Variants in RFTN1 observed in about 807,000 individuals in gnomAD.
The protein encoded by RFTN1 is raftlin.
RFTN1 carries 26 observed loss-of-function variants against 46.5 expected under a neutral mutation model. That is an observed-to-expected ratio of 0.56 (90% CI 0.41 to 0.78). The LOEUF is 0.78. Among genes scored for constraint, RFTN1 ranks in the 30% least tolerant of loss-of-function variants. The pLI, the probability that RFTN1 is intolerant of heterozygous loss-of-function variation, is 0.00. For synonymous variants in RFTN1, 261 were observed against 284.2 expected (o/e 0.92, Z 0.82); for missense variants, 693 against 718.7 (o/e 0.96, Z 0.41).
At position 16,421,726 on chromosome 3, in the gene RFTN1, A is replaced by G. The variant is rs1303703870; in HGVS notation, c.332+12125T>C. 6.6e-6 allele frequency among the ~76,000 whole-genome samples: 1 copy of G among 152,196 alleles called. No homozygotes were observed. Among genetic ancestry groups the G allele is most frequent in the Non-Finnish European group, 1.5e-5 (1 of 68,040 alleles). On this transcript the variant is annotated intron_variant, in intron 3 of 9. Transcript: ENST00000334133. The surrounding 1 kb of genome is among the most constrained non-coding windows in gnomAD (Gnocchi z 4.6). ...GAGACGGGTCAGTGTAGCCATTTCCACATGAGAGAGAGAAGGATTTTACAT... is the reference window on the plus strand; with the variant it reads ...GAGACGGGTCAGTGTAGCCATTTCCGCATGAGAGAGAGAAGGATTTTACAT...
intron 6 of RFTN1, among the ~76,000 whole-genome samples, chr3:16,363,497 T>C (rs1575131796): frequency 6.6e-6 from 1 of 152,338 alleles, no homozygotes; most frequent in Non-Finnish European, 1.5e-5. Flanking sequence ...ACAAGAAGGA[T>C]GTGGGAAAAG....
At chr3:16,434,084 C>A in intron 2 of RFTN1, 47 bp from the exon 3 acceptor site, 1 of 1,481,380 alleles carries the variant, frequency 6.8e-7, no homozygotes, top group East Asian at 2.3e-5. Flanking sequence ...TCACAACGCC[C>A]ACTCAGCCCT....
At chr3:16,386,444 GC>G (rs2125393937) in intron 4 of RFTN1, among the ~76,000 whole-genome samples, 1 of 152,280 alleles carries the variant, frequency 6.6e-6, no homozygotes, top group African/African-American at 2.4e-5. Flanking sequence ...GAGAACTGAG[GC>G]ACAGAGATAT....
In RFTN1 at chr3:16,499,550, C is replaced by T. The variant is rs1364409601; in HGVS notation, c.-8-5673G>A. Among the ~76,000 whole-genome samples, 1 of 152,234 alleles carries T rather than the reference C, an allele frequency of 6.6e-6. No homozygotes were observed. The highest frequency in any genetic ancestry group is 6.5e-5 in the Admixed American group (1 of 15,288). On this transcript the variant is annotated intron_variant, in intron 1 of 9. Transcript: ENST00000334133. This position sits in a 1 kb window ranked among gnomAD's most constrained non-coding sequence, Gnocchi z 4.9. ...TCTGCCTCAGTCAAGCTGCTGATGC[C>T]ATGTTAAGCAAAGACAAGCTGTTTC...
chr3:16,403,728 T>A (rs1337307364), intron 4 of RFTN1, among the ~76,000 whole-genome samples: 375 of 10,432 alleles, frequency 0.036, 4 homozygotes, highest in African/African-American at 0.11. Flanking sequence ...ATATATATAT[T>A]ATATATATTA....
At chr3:16,469,553 G>A (rs1354930864) in intron 2 of RFTN1, among the ~76,000 whole-genome samples, 1 of 152,216 alleles carries the variant, frequency 6.6e-6, no homozygotes, top group Non-Finnish European at 1.5e-5. Context: ...GTGCAGGCGG[G>A]AAGGAACTGG....
chr3:16,358,132 GCATT>G (rs2072576262), intron 6 of RFTN1, 85 bp from the exon 7 acceptor site: 1 of 752,994 alleles, frequency 1.3e-6, no homozygotes, highest in South Asian at 1.5e-5. Flanking sequence ...CATTTCCACT[GCATT>G]CATTAATAAT....
Position 16,422,521 on chromosome 3 carries a change from C to G in RFTN1, c.332+11330G>C, listed in dbSNP as rs1412029050. ...TGGCACGTGCCTGTAATCCCAGCTA[C>G]TCAGGAGGCTGAGGCAGGAGAATCA... On this transcript the variant is annotated intron_variant, in intron 3 of 9. Transcript: ENST00000334133. The surrounding 1 kb of genome is among the most constrained non-coding windows in gnomAD (Gnocchi z 4.6). 2.0e-5 allele frequency among the ~76,000 whole-genome samples: 3 copies of G among 151,946 alleles called. No homozygotes were observed. Among genetic ancestry groups the G allele is most frequent in the Non-Finnish European group, 4.4e-5 (3 of 68,010 alleles).
rs142908150 is a variant in RFTN1 at position 16,493,389 on chromosome 3, G to A, written c.145+336C>T. On this transcript the variant is annotated intron_variant, in intron 2 of 9. Transcript: ENST00000334133. ...TGGGACTACAGGCACCCGCCACCAC[G>A]CCTGGCTAACTTTTTGCATTTTTAG... is the stretch of plus-strand genomic sequence containing the variant. Among the ~76,000 whole-genome samples the A allele has an allele frequency of 1.3e-3, 201 of 152,084 alleles. 9 individuals are homozygous for A. The highest frequency in any genetic ancestry group is 9.1e-3 in the Admixed American group (139 of 15,278).
At chr3:16,369,879 G>A (rs1468677227) in intron 6 of RFTN1, among the ~76,000 whole-genome samples, 197 bp downstream of exon 6, 3 of 152,300 alleles carry the variant, frequency 2.0e-5, no homozygotes, top group East Asian at 1.9e-4. Context: ...TGGCTGACTC[G>A]TAGAGAGGTT....
chr3:16,442,656 T>C lies in RFTN1; in HGVS notation c.146-8619A>G, dbSNP rs912148824. On this transcript the variant is annotated intron_variant, in intron 2 of 9. Transcript: ENST00000334133. This position sits in a 1 kb window ranked among gnomAD's most constrained non-coding sequence, Gnocchi z 4.1. ...GCGATGTTATTAGCTATAGTCCCCA[T>C]GTTGTACATTAGATCTCTAGATTTA... is the stretch of plus-strand genomic sequence containing the variant. Among the ~76,000 whole-genome samples the C allele has an allele frequency of 2.6e-5, 4 of 152,162 alleles. No individual in the cohort carries two copies. Among genetic ancestry groups the C allele is most frequent in the Non-Finnish European group, 5.9e-5 (4 of 68,030 alleles).
intron 2 of RFTN1, among the ~76,000 whole-genome samples, chr3:16,478,158 C>T (rs1394630968): frequency 7.2e-5 from 11 of 152,192 alleles, no homozygotes. Flanking sequence ...CCCAACCAAA[C>T]AGGAGCTTCC....
At position 16,451,559 on chromosome 3, in the gene RFTN1, A is replaced by T. The variant is rs1020823039; in HGVS notation, c.146-17522T>A. On this transcript the variant is annotated intron_variant, in intron 2 of 9. Transcript: ENST00000334133. This position sits in a 1 kb window ranked among gnomAD's most constrained non-coding sequence, Gnocchi z 4.2. ...AGTGGTCCCCTCTTCTCCACAGGGG[A>T]TATGCCTGAAACCACAGATAGTAAA... 1.3e-5 allele frequency among the ~76,000 whole-genome samples: 2 copies of T among 152,216 alleles called. No individual in the cohort carries two copies. The highest frequency in any genetic ancestry group is 4.8e-5 in the African/African-American group (2 of 41,458).
At position 16,483,338 on chromosome 3, in the gene RFTN1, C is replaced by T. The variant is rs761788145; in HGVS notation, c.145+10387G>A. Among the ~76,000 whole-genome samples, 122 of 152,276 alleles carry T rather than the reference C, an allele frequency of 8.0e-4. 1 individual carries two copies. The highest frequency in any genetic ancestry group is 3.5e-4 in the Non-Finnish European group (24 of 68,010). On this transcript the variant is annotated intron_variant, in intron 2 of 9. Coordinates refer to ENST00000334133, the MANE Select transcript of RFTN1 (RefSeq NM_015150.2). This position sits in a 1 kb window ranked among gnomAD's most constrained non-coding sequence, Gnocchi z 4.8. The stretch of plus-strand genomic sequence containing the variant: ...TTTCCCTAGTTTACGATGTTGGGCT[C>T]CCCTGTAAAGCACCCCCCTCCCTCC...
Position 16,483,078 on chromosome 3 carries a change from G to T in RFTN1, c.145+10647C>A, listed in dbSNP as rs924247254. Among the ~76,000 whole-genome samples the T allele has an allele frequency of 2.0e-5, 3 of 152,182 alleles. No individual in the cohort carries two copies. The highest frequency in any genetic ancestry group is 7.2e-5 in the African/African-American group (3 of 41,442). ...AAAAATGCCATCAACGTCAGTGACT[G>T]TATGCTCAGTTCTGCTGAAGAGCTG... is the stretch of plus-strand genomic sequence containing the variant. On this transcript the variant is annotated intron_variant, in intron 2 of 9. Coordinates refer to ENST00000334133, the MANE Select transcript of RFTN1 (RefSeq NM_015150.2). This position sits in a 1 kb window ranked among gnomAD's most constrained non-coding sequence, Gnocchi z 4.8.
Position 16,344,409 on chromosome 3 carries a change from T to C in RFTN1, c.1146+13523A>G, listed in dbSNP as rs773552684. Among the ~76,000 whole-genome samples the C allele has an allele frequency of 2.6e-4, 39 of 151,982 alleles. No homozygotes were observed. The highest frequency in any genetic ancestry group is 5.1e-4 in the Non-Finnish European group (35 of 68,004). On this transcript the variant is annotated intron_variant, in intron 7 of 9. Transcript: ENST00000334133. The surrounding 1 kb of genome is among the most constrained non-coding windows in gnomAD (Gnocchi z 4.4). The stretch of plus-strand genomic sequence containing the variant: ...TTTAGAAACAACATGTAAAAACAGA[T>C]ACATTCAGAAAAGGCGGCTCTGGTT...
At chr3:16,467,922 G>A (rs1265540908) in intron 2 of RFTN1, among the ~76,000 whole-genome samples, 1 of 152,146 alleles carries the variant, frequency 6.6e-6, no homozygotes, top group African/African-American at 2.4e-5. Flanking sequence ...ACCCACCTAA[G>A]AGTACACTTT....
intron 8 of RFTN1, 33 bp from the exon 9 acceptor site, chr3:16,323,490 T>G (rs921377636): frequency 1.3e-6 from 2 of 1,556,306 alleles, no homozygotes; most frequent in Non-Finnish European, 1.8e-6. Flanking sequence ...TGAGCCACTT[T>G]ATGCCTTAGA....
rs147240516 is a variant in RFTN1 at position 16,503,133 on chromosome 3, A to G, written c.-8-9256T>C. 3.8e-3 allele frequency among the ~76,000 whole-genome samples: 582 copies of G among 152,272 alleles called. 7 individuals carry two copies. The highest frequency in any genetic ancestry group is 0.013 in the African/African-American group (533 of 41,558). On this transcript the variant is annotated intron_variant, in intron 1 of 9. Coordinates refer to ENST00000334133, the MANE Select transcript of RFTN1 (RefSeq NM_015150.2). Reference sequence around the variant, plus strand: ...ACCTACCACCATCTCAGTCTGTCTCAGGAGGGGTCTGAACCTGAGTCCATC... The same window carrying G: ...ACCTACCACCATCTCAGTCTGTCTCGGGAGGGGTCTGAACCTGAGTCCATC...
Sources: gnomAD v4.1 joint callset for allele counts (sites outside exome capture counted in the v4.1 genomes callset) on GRCh38, gnomAD v4.1.1 for gene constraint, Gnocchi (gnomAD v3.1) non-coding constraint, MANE v1.5 for transcripts, NCBI Gene and HGNC (gene_info 2026-07-23, HGNC 2026-07-21) for gene names.